Variants in ASAP1 observed in about 807,000 individuals in gnomAD.
ASAP1 encodes the protein arf-GAP with SH3 domain, ANK repeat and PH domain-containing protein 1.
ASAP1 carries 43 observed loss-of-function variants against 145.2 expected under a neutral mutation model. That is an observed-to-expected ratio of 0.30 (90% CI 0.23 to 0.38). ASAP1 has a LOEUF of 0.38. ASAP1 is among the 10% of genes least tolerant of loss of function. The pLI is 1.00. For synonymous variants in ASAP1, 546 were observed against 515.5 expected, an observed-to-expected ratio of 1.06 and a Z score of -0.80; for missense variants, 1,018 against 1,355.3, an observed-to-expected ratio of 0.75 and a Z score of 3.91.
intron 5 of ASAP1, among the ~76,000 whole-genome samples, chr8:130,201,178 T>C (rs1815846625): frequency 6.6e-6 from 1 of 152,126 alleles, no homozygotes; most frequent in African/African-American, 2.4e-5. Context: ...GCTGTCCAAG[T>C]GGAAGAAAAA....
chr8:130,344,852 A>C (rs1351020604), intron 3 of ASAP1, among the ~76,000 whole-genome samples: 2 of 152,182 alleles, frequency 1.3e-5, no homozygotes, highest in Non-Finnish European at 2.9e-5. Context: ...GGTATGGGGG[A>C]GGTGGGGAGG....
chr8:130,266,461 A>G (rs1238523324), intron 3 of ASAP1, among the ~76,000 whole-genome samples: 14 of 152,166 alleles, frequency 9.2e-5, no homozygotes, highest in Admixed American at 9.2e-4. Flanking sequence ...TTTAAAAAAT[A>G]TTTTTAAATG....
chr8:130,080,379 T>A (rs546684488), intron 25 of ASAP1, among the ~76,000 whole-genome samples: 4 of 152,038 alleles, frequency 2.6e-5, no homozygotes, highest in Non-Finnish European at 5.9e-5. Flanking sequence ...AACTCACAAG[T>A]GGAATGTGCA....
intron 24 of ASAP1, among the ~76,000 whole-genome samples, chr8:130,099,970 AACATGGGGTGC>A (rs1161757077): frequency 6.6e-6 from 1 of 152,174 alleles, no homozygotes; most frequent in Non-Finnish European, 1.5e-5. Context: ...CACTGCAGTA[AACATGGGGTGC>A]AGGTATCCCT....
chr8:130,236,878 C>T, intron 4 of ASAP1, 44 bp downstream of exon 4: 1 of 1,347,536 alleles, frequency 7.4e-7, no homozygotes, highest in Non-Finnish European at 1.0e-6. Context: ...ACTCTGTAGA[C>T]ATTATTTATA....
chr8:130,421,110 T>C (rs906917027), intron 1 of ASAP1, among the ~76,000 whole-genome samples: 1 of 152,144 alleles, frequency 6.6e-6, no homozygotes, highest in Non-Finnish European at 1.5e-5. Context: ...GGCAAATTAC[T>C]TCAAGCTTGC....
chr8:130,150,793 T>C (rs1284272453), intron 13 of ASAP1, among the ~76,000 whole-genome samples: 1 of 152,138 alleles, frequency 6.6e-6, no homozygotes, highest in African/African-American at 2.4e-5. Context: ...GATGGGAGGA[T>C]GGCTTGGGCC....
At chr8:130,288,442 A>G (rs1021090759) in intron 3 of ASAP1, among the ~76,000 whole-genome samples, 2 of 152,190 alleles carry the variant, frequency 1.3e-5, no homozygotes, top group African/African-American at 4.8e-5. Context: ...TTATCAGGAC[A>G]TGTTTTATTT....
chr8:130,407,019 T>A (rs1468822265), intron 1 of ASAP1, among the ~76,000 whole-genome samples: 2 of 152,134 alleles, frequency 1.3e-5, no homozygotes. Context: ...CTAGTAACCA[T>A]AAGGAAAGTA....
intron 25 of ASAP1, chr8:130,082,592 C>T (rs1280727546): frequency 1.3e-5 from 2 of 150,308 alleles, no homozygotes; most frequent in Non-Finnish European, 3.0e-5. Context: ...CAGCCTTAAA[C>T]TCCTGGGCTC....
chr8:130,232,878 T>C (rs1168722230), intron 4 of ASAP1, among the ~76,000 whole-genome samples: 2 of 152,168 alleles, frequency 1.3e-5, no homozygotes, highest in Middle Eastern at 3.2e-3. Context: ...TGAAAATGCA[T>C]TGGGAAACAG....
chr8:130,442,558 A>AT (rs758218055), intron 1 of ASAP1, among the ~76,000 whole-genome samples: 1 of 152,178 alleles, frequency 6.6e-6, no homozygotes, highest in Non-Finnish European at 1.5e-5. Flanking sequence ...CCAGGTCCTG[A>AT]TGTCATCCCA....
chr8:130,132,171 G>A (rs543544977), intron 15 of ASAP1, among the ~76,000 whole-genome samples: 1 of 152,314 alleles, frequency 6.6e-6, no homozygotes, highest in South Asian at 2.1e-4. Context: ...TGGGCACATT[G>A]TGCCTCTGTT....
chr8:130,285,185 A>G (rs528203915), intron 3 of ASAP1, among the ~76,000 whole-genome samples: 1 of 152,212 alleles, frequency 6.6e-6, no homozygotes, highest in African/African-American at 2.4e-5. Context: ...AGCAAGCATG[A>G]AAAAAAAGTA....
intron 3 of ASAP1, among the ~76,000 whole-genome samples, chr8:130,283,277 A>T (rs751811267): frequency 6.6e-6 from 1 of 152,228 alleles, no homozygotes; most frequent in Admixed American, 6.5e-5. Context: ...ACAAACAAAC[A>T]AACAAACAAA....
rs186282237 is a variant in ASAP1, at chr8:130,204,578, G to C, written c.405+9978C>G. 3.9e-5 allele frequency among the ~76,000 whole-genome samples: 6 copies of C among 152,180 alleles called. No homozygotes were observed. In the East Asian group the frequency reaches 9.7e-4, roughly 25 times the overall value. On this transcript the variant is annotated intron_variant, in intron 5 of 29. Coordinates refer to ENST00000518721, the MANE Select transcript of ASAP1 (RefSeq NM_018482.4). ...AGCTCCTGCTCCCTCCCATTTCCAG[G>C]TCTCCTGCAGCTAGGTAGGTGGGGC...
At chr8:130,091,011 A>G (rs2097504300) in intron 25 of ASAP1, among the ~76,000 whole-genome samples, 1 of 152,228 alleles carries the variant, frequency 6.6e-6, no homozygotes, top group Admixed American at 6.5e-5. Context: ...CTGTTTCGTG[A>G]TGGGGTGACC....
chr8:130,139,218 G>A (rs1213700497), intron 13 of ASAP1, among the ~76,000 whole-genome samples: 1 of 152,106 alleles, frequency 6.6e-6, no homozygotes, highest in Non-Finnish European at 1.5e-5. Flanking sequence ...GGAAAGCTAG[G>A]GGGTGACTTA....
In ASAP1 at chr8:130,143,547, C is replaced by T. The variant is rs895354756; in HGVS notation, c.1081-6509G>A. 8.5e-5 allele frequency among the ~76,000 whole-genome samples: 13 copies of T among 152,096 alleles called. 1 individual carries two copies. The highest frequency in any genetic ancestry group is 3.1e-4 in the African/African-American group (13 of 41,420). On this transcript the variant is annotated intron_variant, in intron 13 of 29. Transcript: ENST00000518721. ...ACACACCCTCAGACAAAAGGCAAAC[C>T]TATTCAAGTTTTTGATTTTTGAAAA...
Sources: allele counts gnomAD v4.1 joint callset (sites outside exome capture counted in the v4.1 genomes callset), GRCh38; gene constraint gnomAD v4.1.1; transcripts MANE v1.5; gene names NCBI Gene and HGNC (gene_info 2026-07-23, HGNC 2026-07-21).